Variants in AKAP19 observed in about 807,000 individuals in gnomAD.
The protein encoded by AKAP19 is small A-kinase anchoring protein.
the AKAP19 span, among the ~76,000 whole-genome samples, chr2:189,898,160 C>G: frequency 1.3e-5 from 2 of 151,694 alleles, no homozygotes; most frequent in African/African-American, 2.4e-5. Flanking sequence ...TGTGATCATG[C>G]CAGCCTAGGC....
the AKAP19 span, among the ~76,000 whole-genome samples, chr2:189,978,594 G>T: frequency 6.6e-6 from 1 of 152,178 alleles, no homozygotes; most frequent in African/African-American, 2.4e-5. Context: ...TCCAGCCTGG[G>T]CAACAGAGTG....
chr2:190,165,457 C>T, the AKAP19 span, among the ~76,000 whole-genome samples: 1 of 151,598 alleles, frequency 6.6e-6, no homozygotes, highest in African/African-American at 2.4e-5. Flanking sequence ...CAATACAAAA[C>T]AAAACAAAAA....
At chr2:189,887,985 C>A in the AKAP19 span, among the ~76,000 whole-genome samples, 1 of 152,104 alleles carries the variant, frequency 6.6e-6, no homozygotes, top group Non-Finnish European at 1.5e-5. Flanking sequence ...TCAATTTTGG[C>A]TTTTGTTGCC....
chr2:190,089,588 G>A, the AKAP19 span: 2 of 152,028 alleles, frequency 1.3e-5, no homozygotes, highest in African/African-American at 4.8e-5. Context: ...GAATAGACTA[G>A]TTCATATATC....
the AKAP19 span, among the ~76,000 whole-genome samples, chr2:190,149,610 T>C: frequency 2.6e-5 from 4 of 152,310 alleles, no homozygotes; most frequent in East Asian, 5.8e-4. Context: ...TTATTTAATT[T>C]CCATATATTT....
the AKAP19 span, among the ~76,000 whole-genome samples, chr2:189,995,427 T>C: frequency 1.2e-3 from 187 of 152,372 alleles, no homozygotes; most frequent in Non-Finnish European, 2.1e-3. Flanking sequence ...GATTTAAGAA[T>C]AGCTACTCCT....
chr2:189,967,222 C>T, the AKAP19 span, among the ~76,000 whole-genome samples: 2 of 152,098 alleles, frequency 1.3e-5, no homozygotes, highest in East Asian at 3.8e-4. Flanking sequence ...GGCAGAGAAA[C>T]AAGATAGAAG....
chr2:190,017,262 C>T, the AKAP19 span, among the ~76,000 whole-genome samples: 2 of 151,974 alleles, frequency 1.3e-5, no homozygotes. Context: ...AGAATATAAT[C>T]CATTTATATT....
At chr2:190,124,358 C>T in the AKAP19 span, among the ~76,000 whole-genome samples, 3 of 152,202 alleles carry the variant, frequency 2.0e-5, no homozygotes, top group African/African-American at 7.2e-5. Context: ...TATGGTATAG[C>T]CTATAACTTC....
chr2:190,080,185 A>T, the AKAP19 span, among the ~76,000 whole-genome samples: 3 of 152,168 alleles, frequency 2.0e-5, no homozygotes, highest in Non-Finnish European at 4.4e-5. Context: ...AGAAGGATGT[A>T]GTTTTTTAAA....
At chr2:190,201,433 A>C in the AKAP19 span, 4 of 167,084 alleles carry the variant, frequency 2.4e-5, no homozygotes, top group African/African-American at 4.8e-5. Context: ...TTGAGTTTAA[A>C]TGGAAAGGAA....
At chr2:190,021,709 C>T in the AKAP19 span, among the ~76,000 whole-genome samples, 1 of 152,196 alleles carries the variant, frequency 6.6e-6, no homozygotes, top group Admixed American at 6.5e-5. Context: ...GCAGCATTTG[C>T]TGTGGAGGTG....
the AKAP19 span, chr2:190,056,444 GT>G: frequency 2.0e-5 from 3 of 152,438 alleles, no homozygotes; most frequent in South Asian, 6.3e-4. Context: ...CTCCAAGTAT[GT>G]TATTTTGACA....
At chr2:190,053,003 C>T in the AKAP19 span, among the ~76,000 whole-genome samples, 1 of 152,162 alleles carries the variant, frequency 6.6e-6, no homozygotes, top group Non-Finnish European at 1.5e-5. Flanking sequence ...TATGTGTGTG[C>T]TTATTTAAAA....
At chr2:190,186,827 AT>A in the AKAP19 span, among the ~76,000 whole-genome samples, 2 of 152,092 alleles carry the variant, frequency 1.3e-5, no homozygotes, top group African/African-American at 4.8e-5. The surrounding 1 kb of genome is among the most constrained non-coding windows in gnomAD (Gnocchi z 5.5). Flanking sequence ...AGATATATGT[AT>A]TTTTTATAAA....
At chr2:189,956,960 G>T in the AKAP19 span, among the ~76,000 whole-genome samples, 1 of 152,062 alleles carries the variant, frequency 6.6e-6, no homozygotes, top group Non-Finnish European at 1.5e-5. Flanking sequence ...ATTTAATTCC[G>T]AGTTCAGGAG....
At chr2:190,121,352 A>T in the AKAP19 span, among the ~76,000 whole-genome samples, 1 of 152,064 alleles carries the variant, frequency 6.6e-6, no homozygotes, top group Non-Finnish European at 1.5e-5. Context: ...GGCTCAAGTG[A>T]TCCTCCTGCC....
At chr2:190,129,252 G>T in the AKAP19 span, among the ~76,000 whole-genome samples, 1 of 152,092 alleles carries the variant, frequency 6.6e-6, no homozygotes, top group Non-Finnish European at 1.5e-5. Context: ...TTCTATAAAA[G>T]TGTGGTTGCA....
the AKAP19 span, among the ~76,000 whole-genome samples, chr2:189,987,918 C>T: frequency 2.6e-5 from 4 of 151,752 alleles, no homozygotes; most frequent in South Asian, 2.1e-4. Context: ...GCTGGCTGTG[C>T]GGGAGACCAG....
Sources: gnomAD v4.1 joint callset for allele counts (sites outside exome capture counted in the v4.1 genomes callset) on GRCh38, gnomAD v4.1.1 for gene constraint, Gnocchi (gnomAD v3.1) non-coding constraint, MANE v1.5 for transcripts, NCBI Gene and HGNC (gene_info 2026-07-23, HGNC 2026-07-21) for gene names.